HERC2: variants seen among roughly 807,000 people sequenced by gnomAD.
HERC2 encodes the protein HECT and RLD domain containing E3 ubiquitin protein ligase 2, also known as E3 ubiquitin-protein ligase HERC2.
In HERC2, 102 loss-of-function variants were observed where a neutral mutation model predicts 537.7. The observed-to-expected ratio is 0.19, with a 90% confidence interval of 0.16 to 0.22. HERC2 has a LOEUF of 0.22. Ranked by LOEUF, HERC2 falls within the 10% of genes least tolerant of loss-of-function variation. The pLI, the probability that HERC2 is intolerant of heterozygous loss-of-function variation, is 1.00. For synonymous variants in HERC2, 2,224 were observed against 2,466.2 expected, an observed-to-expected ratio of 0.90 and a Z score of 2.91; for missense variants, 4,236 against 6,198.2, an observed-to-expected ratio of 0.68 and a Z score of 10.63.
intron 78 of HERC2, among the ~76,000 whole-genome samples, chr15:28,138,580 C>T (rs1245635825): frequency 6.6e-6 from 1 of 152,002 alleles, no homozygotes; most frequent in Non-Finnish European, 1.5e-5. Context: ...TTGAGGCCTA[C>T]TGCTCAGAAA....
chr15:28,186,770 G>A lies in HERC2; in HGVS notation c.8650-18C>T. The A allele has an allele frequency of 6.3e-7, 1 of 1,592,064 alleles. No homozygotes were observed. Among genetic ancestry groups the A allele is most frequent in the Non-Finnish European group, 8.6e-7 (1 of 1,160,578 alleles). On this transcript the variant is annotated intron_variant, in intron 55 of 92. Coordinates refer to ENST00000261609, the MANE Select transcript of HERC2 (RefSeq NM_004667.6). ...CTGTGATACTAGACACAAAAACCATGATCTATAGACTCTGTAGAATCAAGC... is the reference window on the plus strand; with the variant it reads ...CTGTGATACTAGACACAAAAACCATAATCTATAGACTCTGTAGAATCAAGC...
At chr15:28,168,371 CT>C in intron 67 of HERC2, 35 bp downstream of exon 67, 1 of 1,593,496 alleles carries the variant, frequency 6.3e-7, no homozygotes, top group Non-Finnish European at 8.6e-7. Context: ...CCACCTTTTC[CT>C]TTCTGATCTA....
chr15:28,135,450 A>G, intron 79 of HERC2, 28 bp downstream of exon 79: 1 of 1,544,758 alleles, frequency 6.5e-7, no homozygotes, highest in South Asian at 1.1e-5. Context: ...GACAAATAGA[A>G]TGTTGAAATA....
intron 7 of HERC2, among the ~76,000 whole-genome samples, chr15:28,273,960 C>G (rs2075804848): frequency 6.6e-6 from 1 of 152,192 alleles, no homozygotes; most frequent in Non-Finnish European, 1.5e-5. Flanking sequence ...AAGCACCACT[C>G]CGCACTCAGA....
chr15:28,113,120 C>T lies in HERC2; in HGVS notation c.14183G>A (p.Arg4728Lys), dbSNP rs1187813543. The T allele has an allele frequency of 1.2e-6, 2 of 1,613,792 alleles. No homozygotes were observed. The highest frequency in any genetic ancestry group is 1.7e-6 in the Non-Finnish European group (2 of 1,180,040). The change falls in exon 92 of 93, where the codon AGG becomes AAG. Residue 4728 changes from arginine to lysine, a missense_variant. Arg to Lys is a conservative substitution (Grantham distance 26). Transcript: ENST00000261609. The surrounding 1 kb of genome is among the most constrained non-coding windows in gnomAD (Gnocchi z 7.0). ...GAAGTCGGCGATGGTCCTGGGCAGC[C>T]TCGTCCGGCCCCAGACGAAGCGAAG... ...LFLRFVWGRT[R>K]LPRTIADFRG...
chr15:28,310,243 C>T (rs1031049485), intron 2 of HERC2, among the ~76,000 whole-genome samples: 3 of 152,130 alleles, frequency 2.0e-5, no homozygotes, highest in African/African-American at 4.8e-5. Flanking sequence ...CTCAGGAGTA[C>T]AAGACCAGCC....
intron 84 of HERC2, 119 bp from the exon 85 acceptor site, chr15:28,124,353 T>C: frequency 1.6e-6 from 1 of 612,084 alleles, no homozygotes; most frequent in Non-Finnish European, 2.5e-6. Flanking sequence ...CTATGGTGTC[T>C]GAGTTTGGTT....
At chr15:28,207,677 C>T (rs1387600951) in intron 44 of HERC2, among the ~76,000 whole-genome samples, 1 of 152,100 alleles carries the variant, frequency 6.6e-6, no homozygotes, top group Non-Finnish European at 1.5e-5. Flanking sequence ...CTCAAGCCCA[C>T]TTCACACATC....
rs1326702391 is a variant in HERC2, at chr15:28,198,642, C to G, written c.7844G>C (p.Gly2615Ala). ...LNVQCDWQQKGGTYWVRYIHV... is the reference protein window; with the variant it reads ...LNVQCDWQQKAGTYWVRYIHV... ...AATGTACCTAACCCAGTAGGTGCCC[C>G]CTTTCTGCTGCCAGTCACACTGCAC... Residue 2615 changes from glycine (G) to alanine (A), a missense_variant, in exon 49 of 93, where the codon GGG (glycine) becomes GCG (alanine). Around this residue, in one of 27 missense-constraint regions of HERC2, gnomAD observed 606 missense variants for 884.5 expected, o/e 0.69. Coordinates refer to ENST00000261609, the MANE Select transcript of HERC2 (RefSeq NM_004667.6). 1 of 1,613,964 alleles carries G rather than the reference C, an allele frequency of 6.2e-7. No individual in the cohort carries two copies. Among genetic ancestry groups the G allele is most frequent in the African/African-American group, 1.3e-5 (1 of 74,912 alleles).
rs144218321 is a variant in HERC2 at position 28,111,873 on chromosome 15, T to C, written c.14395A>G (p.Ile4799Val). The stretch of plus-strand genomic sequence containing the variant: ...GCGGCTGGCTCTCCTGTAAGTGCGA[T>C]GCGAGCGTAGTCATCTGTGTCTATG... Reference protein sequence around the residue: ...KSIDTDDYARIALTGEPAADD... With the variant: ...KSIDTDDYARVALTGEPAADD... Residue 4799 changes from isoleucine (I) to valine (V), a missense_variant, in exon 93 of 93, where the codon ATC becomes GTC. Around this residue, in one of 27 missense-constraint regions of HERC2, gnomAD observed 313 missense variants for 462.6 expected, o/e 0.68. Transcript: ENST00000261609. 173 of 1,614,120 alleles carry C rather than the reference T, an allele frequency of 1.1e-4. No individual in the cohort carries two copies. The highest frequency in any genetic ancestry group is 1.6e-4 in the Middle Eastern group (1 of 6,084).
In HERC2 at chr15:28,269,257, A is replaced by C; in HGVS notation, c.1437T>G (p.Ser479Arg). Residue 479 changes from serine to arginine, a missense_variant, in exon 11 of 93, where the codon AGT (serine) becomes AGG (arginine). Ser to Arg is a moderately radical substitution (Grantham distance 110, BLOSUM62 -1). Transcript: ENST00000261609. The stretch of plus-strand genomic sequence containing the variant: ...TGCCCAGAACACTCACCAGCGTGTC[A>C]CTATTATAGGCCTGTGTGTACACGC... ...NGRVYTQAYN[S>R]DTLAPQLVQG... 6.2e-7 allele frequency: 1 copy of C among 1,613,346 alleles called. No homozygotes were observed. Among genetic ancestry groups the C allele is most frequent in the Non-Finnish European group, 8.5e-7 (1 of 1,179,576 alleles).
chr15:28,139,906 A>AG (rs1891028416), intron 78 of HERC2, among the ~76,000 whole-genome samples: 1 of 151,412 alleles, frequency 6.6e-6, no homozygotes, highest in Admixed American at 6.6e-5. Context: ...TAAAAAAAAA[A>AG]AAAAAAAAAA....
chr15:28,229,216 T>G lies in HERC2; in HGVS notation c.5251A>C (p.Ser1751Arg), dbSNP rs1901569560. 1.2e-6 allele frequency: 2 copies of G among 1,612,846 alleles called. No homozygotes were observed. Among genetic ancestry groups the G allele is most frequent in the Non-Finnish European group, 1.7e-6 (2 of 1,179,810 alleles). ...TCACCAAGCTCTTTAAATTTGGCAC[T>G]GGCATCCATCAAAACATTTCGAATG... is the stretch of plus-strand genomic sequence containing the variant. ...QNIRNVLMDA[S>R]AKFKELGIQP... is the part of the protein sequence containing the mutation. The change falls in exon 34 of 93, where the codon AGT (serine) becomes CGT (arginine). Residue 1751 changes from serine to arginine, a missense_variant. Transcript: ENST00000261609.
rs190137930 is a variant in HERC2 at position 28,274,190 on chromosome 15, C to A, written c.800+101G>T. 390 of 1,273,092 alleles carry A rather than the reference C, an allele frequency of 3.1e-4. 3 individuals are homozygous for A. The East Asian group carries it at 9.6e-3, about 31-fold the overall frequency. 78.9% of individuals were successfully genotyped at this position (1,273,092 alleles called of 1,614,324 possible). ...CAGCCCGCTGAAAACAGGTGAAAAA[C>A]CAACCTACTAGGCTTCTTAGCTCTA... On this transcript the variant is annotated intron_variant, in intron 7 of 92. Transcript: ENST00000261609.
chr15:28,144,049 C>G, intron 73 of HERC2, 28 bp downstream of exon 73: 1 of 1,614,126 alleles, frequency 6.2e-7, no homozygotes, highest in Non-Finnish European at 8.5e-7. Flanking sequence ...AGCAGGAAGA[C>G]AGATGTAACT....
chr15:28,268,136 G>A lies in HERC2; in HGVS notation c.1598+329C>T, dbSNP rs997269139. Among the ~76,000 whole-genome samples the A allele has an allele frequency of 2.0e-5, 3 of 152,210 alleles. No homozygotes were observed. Among genetic ancestry groups the A allele is most frequent in the African/African-American group, 4.8e-5 (2 of 41,454 alleles). On this transcript the variant is annotated intron_variant, in intron 12 of 92. Coordinates refer to ENST00000261609, the MANE Select transcript of HERC2 (RefSeq NM_004667.6). This position sits in a 1 kb window ranked among gnomAD's most constrained non-coding sequence, Gnocchi z 4.7. ...GTGACAACCTTATCTATGAGAGACA[G>A]GGTGAACTGTTTGTGAATGAAGGAA...
At chr15:28,141,093 C>A (rs1016425466) in intron 78 of HERC2, among the ~76,000 whole-genome samples, 5 of 151,732 alleles carry the variant, frequency 3.3e-5, no homozygotes, top group African/African-American at 1.2e-4. Context: ...CAAAAGTTAG[C>A]CAGGTGTGGT....
chr15:28,319,465 A>C (rs1435792304), intron 2 of HERC2, among the ~76,000 whole-genome samples: 3 of 151,484 alleles, frequency 2.0e-5, no homozygotes, highest in Admixed American at 6.6e-5. Flanking sequence ...CACACTTGTA[A>C]TCCCAGCTAC....
At chr15:28,147,959 C>G (rs1224770718) in intron 70 of HERC2, among the ~76,000 whole-genome samples, 1 of 151,644 alleles carries the variant, frequency 6.6e-6, no homozygotes, top group African/African-American at 2.4e-5. Flanking sequence ...ACGGCTTGAG[C>G]CTGGGAGGTC....
Sources: gnomAD v4.1 joint callset for allele counts (sites outside exome capture counted in the v4.1 genomes callset) on GRCh38, gnomAD v4.1.1 for gene constraint, gnomAD v4.1.1 regional missense constraint, Gnocchi (gnomAD v3.1) non-coding constraint, MANE v1.5 for transcripts, NCBI Gene and HGNC (gene_info 2026-07-23, HGNC 2026-07-21) for gene names.